The following SUGP1 variants were observed in gnomAD, a reference collection of about 807,000 sequenced individuals.
The protein encoded by SUGP1 is SURP and G-patch domain containing 1.
In SUGP1, 34 loss-of-function variants were observed where a neutral mutation model predicts 76.5. That is an observed-to-expected ratio of 0.44 (90% CI 0.34 to 0.59). SUGP1 has a LOEUF of 0.59. Ranked by LOEUF, SUGP1 falls within the 20% of genes least tolerant of loss-of-function variation. The pLI is 0.01. For missense variants in SUGP1, 752 were observed against 851.7 expected, an observed-to-expected ratio of 0.88 and a Z score of 1.46; for synonymous variants, 326 against 326.2, an observed-to-expected ratio of 1.00 and a Z score of 0.01.
At chr19:19,299,713 T>G (rs2061256518) in intron 7 of SUGP1, among the ~76,000 whole-genome samples, 1 of 151,736 alleles carries the variant, frequency 6.6e-6, no homozygotes, top group Admixed American at 6.6e-5. Context: ...GATGCTCTAT[T>G]GACATGATTT....
intron 11 of SUGP1, 95 bp downstream of exon 11, chr19:19,278,595 G>T: frequency 9.3e-7 from 1 of 1,074,188 alleles, no homozygotes; most frequent in Non-Finnish European, 1.4e-6. Flanking sequence ...TGATCGAGAG[G>T]GTAGCCAGGC....
intron 11 of SUGP1, among the ~76,000 whole-genome samples, 172 bp from the exon 12 acceptor site, chr19:19,278,051 G>C (rs2061067707): frequency 6.6e-6 from 1 of 152,092 alleles, no homozygotes; most frequent in Non-Finnish European, 1.5e-5. Flanking sequence ...CTGCTTCTCA[G>C]GGTCCCCGGG....
chr19:19,281,083 T>G (rs1442596592), intron 8 of SUGP1: 2 of 152,310 alleles, frequency 1.3e-5, no homozygotes, highest in Non-Finnish European at 2.9e-5. Flanking sequence ...TACAGGGCAC[T>G]GAGGGATGTG....
At chr19:19,310,614 C>T (rs917394594) in intron 2 of SUGP1, among the ~76,000 whole-genome samples, 2 of 152,106 alleles carry the variant, frequency 1.3e-5, no homozygotes, top group East Asian at 3.8e-4. Context: ...AAGGCAGGGC[C>T]TACATGTCTC....
intron 11 of SUGP1, 32 bp from the exon 12 acceptor site, chr19:19,277,911 A>G: frequency 6.2e-7 from 1 of 1,610,436 alleles, no homozygotes; most frequent in Non-Finnish European, 8.5e-7. Flanking sequence ...GTCACCCACC[A>G]GGGCTGGGGC....
At chr19:19,308,378 C>T (rs1234539709) in intron 3 of SUGP1, among the ~76,000 whole-genome samples, 4 of 152,234 alleles carry the variant, frequency 2.6e-5, no homozygotes, top group African/African-American at 9.6e-5. Flanking sequence ...CGTGTGTTAT[C>T]AGACGTCTAC....
chr19:19,311,054 A>ATT (rs35467129), intron 2 of SUGP1, among the ~76,000 whole-genome samples: 204 of 137,850 alleles, frequency 1.5e-3, no homozygotes, highest in African/African-American at 3.4e-3. Context: ...TAATTTTTTA[A>ATT]TTTTTTTTTT....
In SUGP1 at chr19:19,318,143, G is replaced by T. The variant is rs186896134; in HGVS notation, c.35-1550C>A. Among the ~76,000 whole-genome samples, 170 of 76,604 alleles carry T rather than the reference G, an allele frequency of 2.2e-3. 1 individual carries two copies. The highest frequency in any genetic ancestry group is 0.021 in the East Asian group (57 of 2,672). 50.3% of individuals were successfully genotyped at this position (76,604 alleles called of 152,430 possible). On this transcript the variant is annotated intron_variant, in intron 1 of 13. Coordinates refer to ENST00000247001, the MANE Select transcript of SUGP1 (RefSeq NM_172231.4). ...TTTTTTTTTTTTTTTTTGAGATGAA[G>T]TATTGCTCTTTTCCCCCAGGCTGGA...
chr19:19,292,359 A>G (rs570155067), intron 8 of SUGP1, among the ~76,000 whole-genome samples: 9 of 152,260 alleles, frequency 5.9e-5, no homozygotes, highest in East Asian at 3.9e-4. Flanking sequence ...AACTTACTCT[A>G]TGGGGCTAGG....
In SUGP1 at chr19:19,310,091, A is replaced by G. The variant is rs201199167; in HGVS notation, c.310+6T>C. 3.1e-6 allele frequency: 5 copies of G among 1,611,236 alleles called. No homozygotes were observed. The highest frequency in any genetic ancestry group is 1.7e-4 in the Middle Eastern group (1 of 5,808). On this transcript the variant is annotated splice_donor_region_variant and intron_variant, in intron 3 of 13. Transcript: ENST00000247001. ...CAGCACAAGGAAAGGGGAGGCCTACACTCACCTGTGCTGGTCTGTGCCTTC... is the reference window on the plus strand; with the variant it reads ...CAGCACAAGGAAAGGGGAGGCCTACGCTCACCTGTGCTGGTCTGTGCCTTC...
intron 8 of SUGP1, among the ~76,000 whole-genome samples, chr19:19,285,616 A>G (rs762145809): frequency 2.0e-5 from 3 of 152,128 alleles, no homozygotes; most frequent in Non-Finnish European, 4.4e-5. Context: ...TCCAGGCTGG[A>G]GTGCAATGGC....
At chr19:19,309,891 C>A (rs1025572947) in intron 3 of SUGP1, among the ~76,000 whole-genome samples, 5 of 152,038 alleles carry the variant, frequency 3.3e-5, no homozygotes, top group African/African-American at 1.2e-4. Flanking sequence ...CAGCCTGGGC[C>A]ACAGAGCGAG....
At chr19:19,280,113 G>C in intron 9 of SUGP1, 72 bp downstream of exon 9, 1 of 1,431,202 alleles carries the variant, frequency 7.0e-7, no homozygotes, top group Non-Finnish European at 9.7e-7. Flanking sequence ...TGTGACCGCT[G>C]CACCCGGGGG....
intron 4 of SUGP1, chr19:19,305,513 T>A (rs952096604): frequency 9.5e-6 from 2 of 209,714 alleles, no homozygotes; most frequent in South Asian, 2.0e-4. Flanking sequence ...TAGAAGCTCC[T>A]CCTAGAAGGG....
At chr19:19,285,109 C>T (rs1434913723) in intron 8 of SUGP1, among the ~76,000 whole-genome samples, 5 of 151,824 alleles carry the variant, frequency 3.3e-5, no homozygotes, top group South Asian at 2.1e-4. Context: ...CCTCGTGATC[C>T]GCCCGCCTCG....
At chr19:19,298,384 A>G (rs1599859114) in intron 7 of SUGP1, among the ~76,000 whole-genome samples, 1 of 152,086 alleles carries the variant, frequency 6.6e-6, no homozygotes, top group African/African-American at 2.4e-5. Context: ...TGTAGTCCCA[A>G]CTGCTCGGGA....
chr19:19,301,689 T>A (rs1376393056), intron 7 of SUGP1: 1 of 152,624 alleles, frequency 6.6e-6, no homozygotes, highest in Admixed American at 6.5e-5. Flanking sequence ...ACCCACCCAA[T>A]GAATGGATGA....
At chr19:19,291,646 T>C (rs1211495827) in intron 8 of SUGP1, among the ~76,000 whole-genome samples, 6 of 151,738 alleles carry the variant, frequency 4.0e-5, no homozygotes, top group South Asian at 2.1e-4. Flanking sequence ...TCCCAGCAAT[T>C]TGGGAGGCCG....
At chr19:19,309,999 A>T (rs534461173) in intron 3 of SUGP1, 98 bp downstream of exon 3, 13 of 814,958 alleles carry the variant, frequency 1.6e-5, no homozygotes, top group South Asian at 1.6e-4. Context: ...ATTACCGGTG[A>T]GCAGGAGTCT....
Sources: allele counts gnomAD v4.1 joint callset (sites outside exome capture counted in the v4.1 genomes callset), GRCh38; gene constraint gnomAD v4.1.1; transcripts MANE v1.5; gene names NCBI Gene and HGNC (gene_info 2026-07-23, HGNC 2026-07-21).